The following NPL variants were observed in gnomAD, a reference collection of about 807,000 sequenced individuals.
NPL encodes N-acetylneuraminate pyruvate lyase.
A neutral mutation model predicts 41.1 loss-of-function variants in NPL; 32 were observed. The observed-to-expected ratio is 0.78, with a 90% CI of 0.59 to 1.05. The LOEUF is 1.05. NPL is among the 50% of genes least tolerant of loss of function. The pLI is 0.00. For missense variants in NPL, 321 were observed against 378.4 expected, an observed-to-expected ratio of 0.85 and a Z score of 1.26; for synonymous variants, 128 against 134.9, an observed-to-expected ratio of 0.95 and a Z score of 0.35.
intron 3 of NPL, among the ~76,000 whole-genome samples, chr1:182,800,462 G>A (rs111901709): frequency 0.028 from 3,935 of 139,042 alleles, 123 homozygotes; most frequent in Middle Eastern, 0.085. Context: ...AAAAAAAAAC[G>A]GACAGAATCC....
chr1:182,828,078 T>C lies in NPL; in HGVS notation c.779-646T>C, dbSNP rs1023768035. Among the ~76,000 whole-genome samples, 1 of 152,216 alleles carries C rather than the reference T, an allele frequency of 6.6e-6. No individual in the cohort carries two copies. Among genetic ancestry groups the C allele is most frequent in the Non-Finnish European group, 1.5e-5 (1 of 68,032 alleles). On this transcript the variant is annotated intron_variant, in intron 12 of 12. Coordinates refer to ENST00000367553, the MANE Select transcript of NPL (RefSeq NM_030769.3). This position sits in a 1 kb window ranked among gnomAD's most constrained non-coding sequence, Gnocchi z 4.0. ...TTTCCATCCACAAGCCTAGTAGAAG[T>C]CAAGCTTTCTTCTTTATCCCCAGAC...
intron 5 of NPL, chr1:182,806,487 C>A (rs772002919): frequency 4.6e-6 from 7 of 1,536,160 alleles, no homozygotes; most frequent in Non-Finnish European, 6.1e-6. Flanking sequence ...TCTTACCTGT[C>A]TACAAGGCCA....
intron 5 of NPL, chr1:182,809,148 G>A (rs1312843503): frequency 7.5e-6 from 3 of 399,424 alleles, no homozygotes; most frequent in African/African-American, 6.3e-5. Flanking sequence ...CCTGTCATAA[G>A]TCAGGGAGTG....
At chr1:182,795,182 C>T (rs1189701933) in intron 3 of NPL, among the ~76,000 whole-genome samples, 2 of 152,162 alleles carry the variant, frequency 1.3e-5, no homozygotes, top group Non-Finnish European at 2.9e-5. Flanking sequence ...AGAGTTCATC[C>T]ACCTCCTGGA....
intron 5 of NPL, among the ~76,000 whole-genome samples, chr1:182,811,703 A>G (rs955931984): frequency 1.3e-5 from 2 of 152,162 alleles, no homozygotes; most frequent in African/African-American, 4.8e-5. Flanking sequence ...TTCTGTACAC[A>G]TTTAACGATT....
intron 4 of NPL, 66 bp downstream of exon 4, chr1:182,803,837 G>T (rs1666926105): frequency 1.8e-6 from 2 of 1,128,268 alleles, no homozygotes; most frequent in Admixed American, 3.4e-5. Context: ...TATCTTACCT[G>T]GTTACCAGCC....
chr1:182,814,789 C>A lies in NPL; in HGVS notation c.295C>A (p.His99Asn), dbSNP rs766808823. 1.2e-6 allele frequency: 2 copies of A among 1,613,858 alleles called. No individual in the cohort carries two copies. The highest frequency in any genetic ancestry group is 2.2e-5 in the East Asian group (1 of 44,898). The change falls in exon 7 of 13, where the codon CAT becomes AAT. Residue 99 changes from histidine (H) to asparagine (N), a missense_variant. Coordinates refer to ENST00000367553, the MANE Select transcript of NPL (RefSeq NM_030769.3). ...SLKESQELAQ[H>N]AAEIGADGIA... ...CTTCTTTCTTCCTTTAAAGGCCCAACATGCAGCAGAAATAGGAGCTGATGG... is the reference window on the plus strand; with the variant it reads ...CTTCTTTCTTCCTTTAAAGGCCCAAAATGCAGCAGAAATAGGAGCTGATGG...
At chr1:182,795,427 T>C (rs1282692364) in intron 3 of NPL, among the ~76,000 whole-genome samples, 1 of 152,250 alleles carries the variant, frequency 6.6e-6, no homozygotes, top group Admixed American at 6.5e-5. Flanking sequence ...AAAAGGAAGA[T>C]GTATTTAGTA....
intron 3 of NPL, 112 bp from the exon 4 acceptor site, chr1:182,803,586 G>T: frequency 1.3e-6 from 1 of 753,514 alleles, no homozygotes; most frequent in Admixed American, 2.0e-5. Context: ...TTCACAAATT[G>T]AGTGGATTTT....
At chr1:182,800,579 G>A (rs527776161) in intron 3 of NPL, among the ~76,000 whole-genome samples, 1 of 152,060 alleles carries the variant, frequency 6.6e-6, no homozygotes, top group African/African-American at 2.4e-5. Flanking sequence ...GAGCTGCTGA[G>A]CATCCCAGCC....
chr1:182,829,895 T>A lies in NPL; in HGVS notation c.*987T>A. On this transcript the variant is annotated 3_prime_UTR_variant, in exon 13 of 13. Coordinates refer to ENST00000367553, the MANE Select transcript of NPL (RefSeq NM_030769.3). ...TTTCTGTGTAATGTATCAACAACTG[T>A]TTAATCTCCCTTCTAACAAACCTTG... 1 of 431,752 alleles carries A rather than the reference T, an allele frequency of 2.3e-6. No individual in the cohort carries two copies. The highest frequency in any genetic ancestry group is 3.5e-5 in the East Asian group (1 of 28,272). The allele number at this position is 431,752 out of a possible 1,614,324, so 26.7% of individuals were successfully genotyped here.
intron 5 of NPL, chr1:182,806,562 T>C: frequency 2.0e-6 from 3 of 1,533,520 alleles, no homozygotes; most frequent in East Asian, 4.9e-5. Flanking sequence ...CGGACTCTGC[T>C]GGTCACTTGG....
chr1:182,828,833 T>C lies in NPL; in HGVS notation c.888T>C (p.Ala296=). 6.2e-7 allele frequency: 1 copy of C among 1,614,246 alleles called. No homozygotes were observed. Among genetic ancestry groups the C allele is most frequent in the Non-Finnish European group, 8.5e-7 (1 of 1,180,040 alleles). Residue 296 remains alanine (A), a synonymous_variant, in exon 13 of 13, where the codon GCT becomes GCC. Transcript: ENST00000367553. The surrounding 1 kb of genome is among the most constrained non-coding windows in gnomAD (Gnocchi z 4.0). ...CCTCCAGGGAGTTTACTGATAGTGCTGAAGCTAAACTGAAGAGCCTGGATT... is the reference window on the plus strand; with the variant it reads ...CCTCCAGGGAGTTTACTGATAGTGCCGAAGCTAAACTGAAGAGCCTGGATT... ...QKASREFTDS[A]EAKLKSLDFL...
intron 11 of NPL, 120 bp from the exon 12 acceptor site, chr1:182,825,661 A>G: frequency 1.3e-6 from 1 of 743,242 alleles, no homozygotes; most frequent in Non-Finnish European, 2.4e-6. Flanking sequence ...CCACTCTGAC[A>G]GACCTTCAGT....
At chr1:182,821,244 C>G (rs929885589) in intron 10 of NPL, among the ~76,000 whole-genome samples, 3 of 152,206 alleles carry the variant, frequency 2.0e-5, no homozygotes, top group Admixed American at 6.5e-5. Context: ...TACCGACTTA[C>G]TATGAGAGAA....
intron 7 of NPL, 89 bp downstream of exon 7, chr1:182,814,947 T>TAA (rs1358311292): frequency 8.5e-6 from 9 of 1,055,664 alleles, no homozygotes; most frequent in Non-Finnish European, 1.0e-5. Context: ...TTTGTGAAAG[T>TAA]AAAGCACTAT....
chr1:182,798,636 T>C (rs1666745115), intron 3 of NPL, among the ~76,000 whole-genome samples: 1 of 152,234 alleles, frequency 6.6e-6, no homozygotes, highest in African/African-American at 2.4e-5. Flanking sequence ...AAAAAAGTTG[T>C]GTTTTTTCCC....
At chr1:182,821,754 A>G (rs762302903) in intron 10 of NPL, among the ~76,000 whole-genome samples, 22 of 152,208 alleles carry the variant, frequency 1.4e-4, no homozygotes, top group Admixed American at 2.6e-4. Context: ...TAAGGCTTTT[A>G]GGACTCACCT....
chr1:182,800,427 C>T (rs1360403539), intron 3 of NPL, among the ~76,000 whole-genome samples: 1 of 132,266 alleles, frequency 7.6e-6, no homozygotes, highest in Non-Finnish European at 1.5e-5. Context: ...CAGAGCAAGA[C>T]CCTGTCTCAA....
Sources: gnomAD v4.1 joint callset for allele counts (sites outside exome capture counted in the v4.1 genomes callset) on GRCh38, gnomAD v4.1.1 for gene constraint, Gnocchi (gnomAD v3.1) non-coding constraint, MANE v1.5 for transcripts, NCBI Gene and HGNC (gene_info 2026-07-23, HGNC 2026-07-21) for gene names.